CBLN2: variants seen among roughly 807,000 people sequenced by gnomAD.
CBLN2 encodes cerebellin 2 precursor.
Under a neutral mutation model 15.0 loss-of-function variants are expected in CBLN2, and 7 were observed. That is an observed-to-expected ratio of 0.47 (90% CI 0.27 to 0.88). The LOEUF (loss-of-function observed/expected upper bound fraction) is 0.88, where lower values mean the gene tolerates loss of function less well. Among genes scored for constraint, CBLN2 ranks in the 40% least tolerant of loss-of-function variants. CBLN2 has a pLI of 0.14. For missense variants in CBLN2, 242 were observed against 304.5 expected (o/e 0.79, Z 1.53); for synonymous variants, 149 against 135.2 (o/e 1.10, Z -0.71).
At position 72,537,030 on chromosome 18, in the gene CBLN2, G is replaced by A. The variant is rs886780865; in HGVS notation, c.*1146C>T. On this transcript the variant is annotated 3_prime_UTR_variant, in exon 5 of 5. Coordinates refer to ENST00000269503, the MANE Select transcript of CBLN2 (RefSeq NM_182511.4). The stretch of plus-strand genomic sequence containing the variant: ...TGGGCAGATCAAAAGAGGATCCGGA[G>A]GAAGAGGAGCTGGTCTGTTGGCTTT... 1 of 152,330 alleles carries A rather than the reference G, an allele frequency of 6.6e-6. No homozygotes were observed. The highest frequency in any genetic ancestry group is 1.5e-5 in the Non-Finnish European group (1 of 68,082). 9.4% of individuals were successfully genotyped at this position (152,330 alleles called of 1,614,324 possible).
chr18:72,547,120 A>T (rs907163986), upstream of CBLN2, among the ~76,000 whole-genome samples: 5 of 117,458 alleles, frequency 4.3e-5, no homozygotes, highest in Non-Finnish European at 8.7e-5. Context: ...TCACACACAC[A>T]CACACACACA....
chr18:72,604,163 C>T (rs2069567955), intron 1 of CBLN2, among the ~76,000 whole-genome samples: 7 of 152,192 alleles, frequency 4.6e-5, no homozygotes, highest in Admixed American at 4.6e-4. Flanking sequence ...TCAAGGCCCA[C>T]CAGCACTAGA....
chr18:72,582,730 A>G (rs1477305041), intron 1 of CBLN2, among the ~76,000 whole-genome samples: 3 of 152,128 alleles, frequency 2.0e-5, no homozygotes, highest in African/African-American at 7.2e-5. Context: ...AAGCCAATAT[A>G]CTTAAACAGA....
intron 1 of CBLN2, among the ~76,000 whole-genome samples, chr18:72,624,430 G>A (rs189361760): frequency 1.1e-3 from 170 of 152,072 alleles, no homozygotes; most frequent in Non-Finnish European, 1.9e-3. Flanking sequence ...ACTTGAGGTA[G>A]GGAGTTCAAG....
At chr18:72,557,671 A>G (rs1302913323) in intron 1 of CBLN2, among the ~76,000 whole-genome samples, 2 of 152,168 alleles carry the variant, frequency 1.3e-5, no homozygotes, top group Non-Finnish European at 2.9e-5. Flanking sequence ...ACCAAACACC[A>G]CATGTTCTCA....
intron 1 of CBLN2, among the ~76,000 whole-genome samples, chr18:72,558,625 T>C (rs1373801025): frequency 1.3e-5 from 2 of 152,152 alleles, no homozygotes; most frequent in African/African-American, 2.4e-5. Context: ...AATACTGCTT[T>C]TTGTAGGAGT....
At position 72,542,171 on chromosome 18, in the gene CBLN2, GGGAGGCGGCGCGCGGGGGT is replaced by G; in HGVS notation, c.-30_-12del. 1 of 1,220,206 alleles carries G rather than the reference GGGAGGCGGCGCGCGGGGGT, an allele frequency of 8.2e-7. No homozygotes were observed. The highest frequency in any genetic ancestry group is 1.0e-6 in the Non-Finnish European group (1 of 982,464). The allele number at this position is 1,220,206 out of a possible 1,614,324, so 75.6% of individuals were successfully genotyped here. On this transcript the variant is annotated 5_prime_UTR_variant, in exon 3 of 5. Coordinates refer to ENST00000269503, the MANE Select transcript of CBLN2 (RefSeq NM_182511.4). ...GCCGGGCGCCTGCATCGGGACTGGT[GGGAGGCGGCGCGCGGGGGT>G]GGAGGCCGGCGCCGGCGCGAGCGGC...
upstream of CBLN2, chr18:72,544,652 A>C (rs1272488104): frequency 6.6e-6 from 1 of 152,146 alleles, no homozygotes; most frequent in Non-Finnish European, 1.5e-5. Context: ...GATAGCAACC[A>C]CAAGAAGAAC....
intron 1 of CBLN2, among the ~76,000 whole-genome samples, chr18:72,582,238 T>A (rs929582363): frequency 1.3e-5 from 2 of 152,236 alleles, no homozygotes; most frequent in African/African-American, 2.4e-5. Context: ...ATTTTAGATA[T>A]ATCTTGCCAA....
chr18:72,565,166 G>A (rs1040264747), intron 1 of CBLN2, among the ~76,000 whole-genome samples: 2 of 152,142 alleles, frequency 1.3e-5, no homozygotes, highest in African/African-American at 4.8e-5. Context: ...AGAAAGGATG[G>A]TAGTTACTAT....
chr18:72,576,337 TG>T (rs1343307972), intron 1 of CBLN2, among the ~76,000 whole-genome samples: 4 of 151,994 alleles, frequency 2.6e-5, no homozygotes, highest in African/African-American at 9.7e-5. Flanking sequence ...CCAGTCCAAA[TG>T]AGTGTTATCA....
At chr18:72,597,655 G>A (rs1460031753) in intron 1 of CBLN2, among the ~76,000 whole-genome samples, 1 of 152,186 alleles carries the variant, frequency 6.6e-6, no homozygotes, top group African/African-American at 2.4e-5. Flanking sequence ...TCCCTGAGAA[G>A]GTCCAGAGAT....
chr18:72,588,495 T>C (rs981820183), intron 1 of CBLN2, among the ~76,000 whole-genome samples: 1 of 152,208 alleles, frequency 6.6e-6, no homozygotes, highest in Admixed American at 6.5e-5. Flanking sequence ...CATTTTGCAT[T>C]TTCAGTTTTG....
At chr18:72,588,461 C>T (rs2069457337) in intron 1 of CBLN2, among the ~76,000 whole-genome samples, 1 of 152,152 alleles carries the variant, frequency 6.6e-6, no homozygotes, top group African/African-American at 2.4e-5. Context: ...GCTGCGAAAC[C>T]ACCACCTCTA....
chr18:72,637,989 A>T (rs1353585069), intron 1 of CBLN2, among the ~76,000 whole-genome samples: 3 of 152,208 alleles, frequency 2.0e-5, no homozygotes, highest in Admixed American at 6.5e-5. Flanking sequence ...ACACCAAGGA[A>T]GTGAGCATCC....
chr18:72,598,568 A>C (rs1336273585), intron 1 of CBLN2, among the ~76,000 whole-genome samples: 1 of 152,196 alleles, frequency 6.6e-6, no homozygotes, highest in Non-Finnish European at 1.5e-5. Flanking sequence ...CTGGTGTCTC[A>C]GTAGGCCACA....
intron 4 of CBLN2, 88 bp downstream of exon 4, chr18:72,538,565 C>T: frequency 1.3e-6 from 2 of 1,561,038 alleles, no homozygotes; most frequent in Non-Finnish European, 1.8e-6. Context: ...CCCTGTCTCC[C>T]TCAGCCTCAG....
chr18:72,635,180 CTCAAAATAAAATCAGTT>C (rs2069804171), intron 1 of CBLN2, among the ~76,000 whole-genome samples: 1 of 152,042 alleles, frequency 6.6e-6, no homozygotes, highest in Non-Finnish European at 1.5e-5. Flanking sequence ...TAATTTCAGT[CTCAAAATAAAATCAGTT>C]TCAACCTCCC....
chr18:72,539,137 G>A, intron 3 of CBLN2: 1 of 181,034 alleles, frequency 5.5e-6, no homozygotes. Context: ...GAGGTCTGTG[G>A]GAATATGGGG....
Sources: allele counts gnomAD v4.1 joint callset (sites outside exome capture counted in the v4.1 genomes callset), GRCh38; gene constraint gnomAD v4.1.1; transcripts MANE v1.5; gene names NCBI Gene and HGNC (gene_info 2026-07-23, HGNC 2026-07-21).